The following WIPI1 variants were observed in gnomAD, a reference collection of about 807,000 sequenced individuals.
WIPI1 encodes the protein WD repeat domain phosphoinositide-interacting protein 1.
A neutral mutation model predicts 55.3 loss-of-function variants in WIPI1; 45 were observed. That is an observed-to-expected ratio of 0.81 (90% CI 0.64 to 1.04). WIPI1 has a LOEUF of 1.04. Ranked by LOEUF, WIPI1 falls within the 50% of genes least tolerant of loss-of-function variation. The pLI is 0.00. For missense variants in WIPI1, 445 were observed against 559.0 expected, an observed-to-expected ratio of 0.80 and a Z score of 2.06; for synonymous variants, 195 against 217.6, an observed-to-expected ratio of 0.90 and a Z score of 0.92.
At chr17:68,451,004 G>A (rs747123377) in intron 2 of WIPI1, 107 bp from the exon 3 acceptor site, 16 of 1,422,596 alleles carry the variant, frequency 1.1e-5, no homozygotes, top group East Asian at 5.0e-5. Flanking sequence ...AAGGTTCTCC[G>A]GGTCTTGCCG....
At chr17:68,437,947 TTAAAAAAAAAAAA>T (rs2083894951) in intron 4 of WIPI1, among the ~76,000 whole-genome samples, 1 of 58,786 alleles carries the variant, frequency 1.7e-5, no homozygotes, top group African/African-American at 7.3e-5. Context: ...GACATCTCTC[TTAAAAAAAAAAAA>T]AAAAAAAAAA....
intron 7 of WIPI1, among the ~76,000 whole-genome samples, chr17:68,434,089 G>A (rs567895127): frequency 4.6e-5 from 7 of 152,168 alleles, no homozygotes; most frequent in African/African-American, 1.7e-4. Flanking sequence ...ATTTATGTGA[G>A]AAGAAACAAG....
At position 68,421,670 on chromosome 17, in the gene WIPI1, C is replaced by G; in HGVS notation, c.*103G>C. 1 of 1,527,546 alleles carries G rather than the reference C, an allele frequency of 6.5e-7. No individual in the cohort carries two copies. Among genetic ancestry groups the G allele is most frequent in the South Asian group, 1.1e-5 (1 of 89,348 alleles). The allele number at this position is 1,527,546 out of a possible 1,614,324, so 94.6% of individuals were successfully genotyped here. ...CAGTGGAGCACCCGGGATTCCTGCC[C>G]CCCTTTCTGCTCACACAATTGCACT... On this transcript the variant is annotated 3_prime_UTR_variant, in exon 13 of 13. Transcript: ENST00000262139.
Position 68,421,725 on chromosome 17 carries a change from A to C in WIPI1, c.*48T>G, listed in dbSNP as rs942638117. The C allele has an allele frequency of 3.7e-6, 6 of 1,613,714 alleles. No individual in the cohort carries two copies. The highest frequency in any genetic ancestry group is 4.2e-6 in the Non-Finnish European group (5 of 1,179,874). Reference sequence around the variant, plus strand: ...TCTTCCGCCTTCCTTGTTTTCTCCAAAACCACCTGATAGGGGGGATGTCCT... The same window carrying C: ...TCTTCCGCCTTCCTTGTTTTCTCCACAACCACCTGATAGGGGGGATGTCCT... On this transcript the variant is annotated 3_prime_UTR_variant, in exon 13 of 13. Coordinates refer to ENST00000262139, the MANE Select transcript of WIPI1 (RefSeq NM_017983.7).
At chr17:68,428,798 A>G in intron 10 of WIPI1, 31 bp downstream of exon 10, 1 of 1,555,496 alleles carries the variant, frequency 6.4e-7, no homozygotes, top group Non-Finnish European at 8.9e-7. Context: ...CAGCTCTCGA[A>G]AGGCTGTCTT....
chr17:68,426,509 A>C (rs1300760294), intron 11 of WIPI1, among the ~76,000 whole-genome samples: 1 of 152,094 alleles, frequency 6.6e-6, no homozygotes, highest in Non-Finnish European at 1.5e-5. Context: ...AGTGGCTAGG[A>C]CTACAGGCTC....
At chr17:68,427,699 G>A (rs1036884716) in intron 10 of WIPI1, 2 of 158,494 alleles carry the variant, frequency 1.3e-5, no homozygotes, top group East Asian at 1.9e-4. Context: ...GTCACACACC[G>A]TCAAAATGGC....
rs571534099 is a variant in WIPI1 at position 68,423,078 on chromosome 17, A to G, written c.1294-1258T>C. Among the ~76,000 whole-genome samples the G allele has an allele frequency of 6.6e-6, 1 of 152,316 alleles. No homozygotes were observed. The highest frequency in any genetic ancestry group is 2.1e-4 in the South Asian group (1 of 4,828). Reference sequence around the variant, plus strand: ...ACAGAGCTCCTGTAGCAGACTACTCAGGCAAGCCTATGTTTGTTCGTCACT... The same window carrying G: ...ACAGAGCTCCTGTAGCAGACTACTCGGGCAAGCCTATGTTTGTTCGTCACT... On this transcript the variant is annotated intron_variant, in intron 12 of 12. Coordinates refer to ENST00000262139, the MANE Select transcript of WIPI1 (RefSeq NM_017983.7). The surrounding 1 kb of genome is among the most constrained non-coding windows in gnomAD (Gnocchi z 4.4).
intron 4 of WIPI1, among the ~76,000 whole-genome samples, chr17:68,439,440 A>C (rs1200623551): frequency 6.6e-6 from 1 of 152,166 alleles, no homozygotes; most frequent in Non-Finnish European, 1.5e-5. Context: ...TCCATAATCT[A>C]ATAGAGACAG....
At chr17:68,440,485 T>C (rs2084028950) in intron 4 of WIPI1, among the ~76,000 whole-genome samples, 1 of 152,148 alleles carries the variant, frequency 6.6e-6, no homozygotes, top group African/African-American at 2.4e-5. Flanking sequence ...TTGCAAAGCC[T>C]AGAAAATATA....
intron 12 of WIPI1, 52 bp from the exon 13 acceptor site, chr17:68,421,872 G>A (rs1215548230): frequency 6.2e-7 from 1 of 1,611,456 alleles, no homozygotes; most frequent in Non-Finnish European, 8.5e-7. Context: ...GAGGCTGGTA[G>A]GCAGGTGCAT....
chr17:68,453,626 G>A (rs1174570057), intron 1 of WIPI1, among the ~76,000 whole-genome samples: 3 of 151,820 alleles, frequency 2.0e-5, no homozygotes, highest in African/African-American at 4.8e-5. Flanking sequence ...TTACAGGCAT[G>A]CACCACCACG....
rs1477884168 is a variant in WIPI1 at position 68,423,503 on chromosome 17, A to T, written c.1294-1683T>A. Among the ~76,000 whole-genome samples the T allele has an allele frequency of 6.6e-6, 1 of 152,200 alleles. No homozygotes were observed. Among genetic ancestry groups the T allele is most frequent in the Non-Finnish European group, 1.5e-5 (1 of 68,038 alleles). On this transcript the variant is annotated intron_variant, in intron 12 of 12. Coordinates refer to ENST00000262139, the MANE Select transcript of WIPI1 (RefSeq NM_017983.7). The surrounding 1 kb of genome is among the most constrained non-coding windows in gnomAD (Gnocchi z 4.4). ...CACACAGGGGCTGCTTGACACTCAC[A>T]AGGGTCTAACACCTGTTCTAGGGAC...
chr17:68,444,465 G>T (rs1187270367), intron 4 of WIPI1, 28 bp downstream of exon 4: 3 of 1,589,704 alleles, frequency 1.9e-6, no homozygotes, highest in Non-Finnish European at 2.6e-6. Flanking sequence ...GAAATTTCAG[G>T]GACATTTGTT....
At chr17:68,426,242 T>TTGGG (rs1555798450) in intron 11 of WIPI1, 67 bp from the exon 12 acceptor site, 2 of 669,004 alleles carry the variant, frequency 3.0e-6, no homozygotes, top group Non-Finnish European at 4.4e-6. Flanking sequence ...ACCTGGCGGG[T>TTGGG]GGGGAGCGGG....
chr17:68,438,261 T>C (rs547090657), intron 4 of WIPI1, among the ~76,000 whole-genome samples: 1 of 139,538 alleles, frequency 7.2e-6, no homozygotes, highest in African/African-American at 2.6e-5. Flanking sequence ...TGCCACCCCT[T>C]TGGCGATACA....
intron 8 of WIPI1, among the ~76,000 whole-genome samples, chr17:68,432,123 G>A (rs2083556312): frequency 6.6e-6 from 1 of 152,110 alleles, no homozygotes; most frequent in African/African-American, 2.4e-5. Context: ...ATGAGCTTTG[G>A]GTTACACCTG....
chr17:68,425,817 G>A, intron 12 of WIPI1: 1 of 404,538 alleles, frequency 2.5e-6, no homozygotes, highest in Non-Finnish European at 4.4e-6. Context: ...TCTGGCTGGA[G>A]GGAGGCCACC....
chr17:68,426,897 G>A (rs1322077229), intron 11 of WIPI1, among the ~76,000 whole-genome samples: 1 of 152,214 alleles, frequency 6.6e-6, no homozygotes, highest in Non-Finnish European at 1.5e-5. Flanking sequence ...ACCGTATCGT[G>A]TGATGCCTTG....
Sources: gnomAD v4.1 joint callset for allele counts (sites outside exome capture counted in the v4.1 genomes callset) on GRCh38, gnomAD v4.1.1 for gene constraint, Gnocchi (gnomAD v3.1) non-coding constraint, MANE v1.5 for transcripts, NCBI Gene and HGNC (gene_info 2026-07-23, HGNC 2026-07-21) for gene names.